Variants in LRRC74B observed in about 807,000 individuals in gnomAD.
LRRC74B encodes the protein leucine-rich repeat-containing protein 74B.
In LRRC74B, 30 loss-of-function variants were observed where a neutral mutation model predicts 16.6. The observed-to-expected ratio is 1.80, with a 90% CI of 1.35 to 2.45. The LOEUF (loss-of-function observed/expected upper bound fraction) is 2.45, where lower values mean the gene tolerates loss of function less well. Ranked by LOEUF, LRRC74B falls within the 30% of genes most tolerant of loss-of-function variation. The pLI, the probability that LRRC74B is intolerant of heterozygous loss-of-function variation, is 0.00. For missense variants in LRRC74B, 326 were observed against 202.4 expected, an observed-to-expected ratio of 1.61 and a Z score of -3.71; for synonymous variants, 134 against 86.0, an observed-to-expected ratio of 1.56 and a Z score of -3.09.
intron 6 of LRRC74B, 128 bp from the exon 7 acceptor site, chr22:21,054,970 G>A (rs1930377073): frequency 3.1e-6 from 2 of 646,876 alleles, no homozygotes; most frequent in Non-Finnish European, 5.7e-6. Context: ...CCTGGGGTGT[G>A]AGTGGAGGGA....
rs1412621510 is a variant in LRRC74B, at chr22:21,048,483, G to T, written c.415+467G>T. On this transcript the variant is annotated intron_variant, in intron 3 of 8. Coordinates refer to ENST00000442047, the Ensembl canonical transcript of LRRC74B. Reference sequence around the variant, plus strand: ...GCTTCAGTTTCTGATCTGTGAAATGGCCCCCAAAATACCTTATGGGCTTGG... The same window carrying T: ...GCTTCAGTTTCTGATCTGTGAAATGTCCCCCAAAATACCTTATGGGCTTGG... 4.3e-5 allele frequency: 11 copies of T among 253,192 alleles called. 1 individual carries two copies. In the South Asian group the frequency reaches 4.6e-4, roughly 11 times the overall value. The allele number at this position is 253,192 out of a possible 1,614,324, so 15.7% of individuals were successfully genotyped here. A position where few individuals can be genotyped will look rare whatever the true frequency, so the allele number is the denominator to read the frequency against.
chr22:21,064,147 A>G (rs1439486581), downstream of LRRC74B: 1 of 152,368 alleles, frequency 6.6e-6, no homozygotes, highest in Non-Finnish European at 1.5e-5. Flanking sequence ...AATTTATGAT[A>G]CAAAGAATAA....
downstream of LRRC74B, chr22:21,062,051 A>G (rs1471526995): frequency 6.6e-6 from 1 of 152,256 alleles, no homozygotes; most frequent in Non-Finnish European, 1.5e-5. Flanking sequence ...GGACGGACAC[A>G]TGCTGAAAAC....
rs1257045983 is a variant in LRRC74B at position 21,046,026 on chromosome 22, C to T, written c.40C>T (p.Gln14Ter). The change falls in exon 1 of 9, where the codon CAG (glutamine) becomes TAG (stop). Residue 14 changes from glutamine (Q) to a stop codon, truncating the protein, a stop_gained. Coordinates refer to ENST00000442047, the Ensembl canonical transcript of LRRC74B. LOFTEE classifies it high-confidence loss of function. ...TGAGAGGTCTGGGGAGGATGAAGAG[C>T]AGAAAGAAGAGGCTATGGTGGCCTG... 2.8e-6 allele frequency: 2 copies of T among 717,384 alleles called. No individual in the cohort carries two copies. Among genetic ancestry groups the T allele is most frequent in the Admixed American group, 2.0e-5 (1 of 50,004 alleles). The allele number at this position is 717,384 out of a possible 1,614,324, so 44.4% of individuals were successfully genotyped here.
chr22:21,052,940 A>G (rs1930187692), intron 5 of LRRC74B, among the ~76,000 whole-genome samples: 1 of 152,206 alleles, frequency 6.6e-6, no homozygotes, highest in Admixed American at 6.5e-5. Flanking sequence ...CTGTCTTGCC[A>G]GAGCACCTAC....
At position 21,058,039 on chromosome 22, in the gene LRRC74B, C is replaced by T. The variant is rs552542401; in HGVS notation, c.1023+839C>T. Reference sequence around the variant, plus strand: ...TAGCCAGGATTACAGATGTGTGCCACCACGCCCGGCTGATTTTTTTTTTTT... The same window carrying T: ...TAGCCAGGATTACAGATGTGTGCCATCACGCCCGGCTGATTTTTTTTTTTT... On this transcript the variant is annotated intron_variant, in intron 8 of 8. Transcript: ENST00000442047. Among the ~76,000 whole-genome samples, 3 of 150,264 alleles carry T rather than the reference C, an allele frequency of 2.0e-5. No individual in the cohort carries two copies. In the South Asian group the frequency reaches 6.4e-4, roughly 32 times the overall value.
chr22:21,051,891 C>T (rs944524904), intron 4 of LRRC74B, among the ~76,000 whole-genome samples: 1 of 152,024 alleles, frequency 6.6e-6, no homozygotes, highest in East Asian at 1.9e-4. Context: ...CACAGGTGCC[C>T]CTGCCATTTG....
intron 4 of LRRC74B, among the ~76,000 whole-genome samples, chr22:21,051,229 T>TTTCTG (rs1326336266): frequency 1.3e-5 from 2 of 152,218 alleles, no homozygotes; most frequent in Non-Finnish European, 2.9e-5. Context: ...TACTGTGATG[T>TTTCTG]GCAGCTGGTT....
intron 7 of LRRC74B, 96 bp from the exon 8 acceptor site, chr22:21,057,009 G>A: frequency 4.5e-6 from 3 of 667,274 alleles, no homozygotes; most frequent in Non-Finnish European, 8.2e-6. Flanking sequence ...CATAGTGGCT[G>A]TGTCCTCAGA....
At chr22:21,054,142 A>G (rs1467688643) in intron 6 of LRRC74B, 3 of 152,252 alleles carry the variant, frequency 2.0e-5, no homozygotes, top group Admixed American at 2.0e-4. Flanking sequence ...GCTAGGCAAT[A>G]TAGCATGACT....
chr22:21,049,386 C>T (rs1239418910), intron 4 of LRRC74B: 4 of 536,350 alleles, frequency 7.5e-6, no homozygotes, highest in African/African-American at 1.9e-5. Flanking sequence ...ACTGACTTAG[C>T]CACCAGGGAT....
chr22:21,047,397 C>T (rs1444934792), exon 2 of LRRC74B: 2 of 717,508 alleles, frequency 2.8e-6, no homozygotes, highest in Admixed American at 4.0e-5. Context: ...CACACTGTAC[C>T]TGAGGTCTTG....
At chr22:21,052,179 TG>T (rs1930120254) in intron 4 of LRRC74B, 69 bp from the exon 5 acceptor site, 1 of 706,730 alleles carries the variant, frequency 1.4e-6, no homozygotes, top group African/African-American at 1.8e-5. Flanking sequence ...CGGCACGCAG[TG>T]GGCATCAGTG....
downstream of LRRC74B, chr22:21,061,763 G>A (rs970388054): frequency 2.6e-5 from 4 of 152,050 alleles, no homozygotes; most frequent in Non-Finnish European, 4.4e-5. Context: ...GTCCCCACAA[G>A]AACTCGTGCA....
intron 7 of LRRC74B, 33 bp downstream of exon 7, chr22:21,055,209 A>C (rs1392925033): frequency 1.4e-6 from 1 of 710,032 alleles, no homozygotes. Flanking sequence ...AGACACCAGC[A>C]CAGACCTGCC....
intron 6 of LRRC74B, among the ~76,000 whole-genome samples, chr22:21,054,627 C>T (rs1026832673): frequency 1.3e-5 from 2 of 152,196 alleles, no homozygotes; most frequent in East Asian, 1.9e-4. Context: ...AGGCTGAATA[C>T]GGAGGTGCAG....
chr22:21,050,830 C>T (rs1418855997), intron 4 of LRRC74B, among the ~76,000 whole-genome samples: 1 of 149,374 alleles, frequency 6.7e-6, no homozygotes, highest in African/African-American at 2.5e-5. Flanking sequence ...CTGTGCCTAT[C>T]TGTAATGCCA....
exon 1 of LRRC74B, chr22:21,046,112 C>T: frequency 1.4e-6 from 1 of 717,144 alleles, no homozygotes; most frequent in Non-Finnish European, 2.6e-6. Flanking sequence ...GGGACTCCGA[C>T]CTGGAGACGG....
At chr22:21,056,231 G>C (rs1204250262) in intron 7 of LRRC74B, among the ~76,000 whole-genome samples, 1 of 152,232 alleles carries the variant, frequency 6.6e-6, no homozygotes, top group East Asian at 1.9e-4. Context: ...GCTAGGTGTG[G>C]TGGCTCACGC....
Sources: allele counts gnomAD v4.1 joint callset (sites outside exome capture counted in the v4.1 genomes callset), GRCh38; gene constraint gnomAD v4.1.1; transcripts MANE v1.5; gene names NCBI Gene and HGNC (gene_info 2026-07-23, HGNC 2026-07-21).